Variants in PPP4R2 observed in about 807,000 individuals in gnomAD.
PPP4R2 encodes protein phosphatase 4 regulatory subunit 2.
PPP4R2 carries 13 observed loss-of-function variants against 47.2 expected under a neutral mutation model. The ratio of observed to expected loss-of-function variants is 0.28; its 90% CI spans 0.18 to 0.44. The LOEUF (loss-of-function observed/expected upper bound fraction) is 0.44. Ranked by LOEUF, PPP4R2 falls within the 20% of genes least tolerant of loss-of-function variation. The probability of loss-of-function intolerance (pLI) is 1.00; values close to 1 mark genes in which losing one functional copy is unlikely to be tolerated. For synonymous variants in PPP4R2, 151 were observed against 163.3 expected, an observed-to-expected ratio of 0.92 and a Z score of 0.57; for missense variants, 421 against 491.2, an observed-to-expected ratio of 0.86 and a Z score of 1.35.
intron 3 of PPP4R2, among the ~76,000 whole-genome samples, chr3:73,048,348 G>GT (rs1428865548): frequency 6.6e-6 from 1 of 152,170 alleles, no homozygotes; most frequent in African/African-American, 2.4e-5. Context: ...CGCCTGCCAG[G>GT]TTCAAGCAAT....
chr3:73,013,381 A>G (rs750834634), intron 2 of PPP4R2, among the ~76,000 whole-genome samples: 1 of 152,256 alleles, frequency 6.6e-6, no homozygotes, highest in Non-Finnish European at 1.5e-5. Flanking sequence ...GTAATGGATC[A>G]CACAAATTAG....
chr3:73,018,579 A>G (rs373546172), intron 2 of PPP4R2, among the ~76,000 whole-genome samples: 275 of 148,742 alleles, frequency 1.8e-3, no homozygotes, highest in Non-Finnish European at 3.5e-3. Context: ...CCAGCCTCCC[A>G]TGTAGTGTCT....
At chr3:73,059,411 T>G (rs1201415302) in intron 4 of PPP4R2, among the ~76,000 whole-genome samples, 1 of 152,248 alleles carries the variant, frequency 6.6e-6, no homozygotes, top group Non-Finnish European at 1.5e-5. Flanking sequence ...AAAGGTTCTG[T>G]GAAGTTATAA....
intron 2 of PPP4R2, among the ~76,000 whole-genome samples, chr3:73,021,347 C>T (rs543448946): frequency 6.6e-6 from 1 of 151,986 alleles, no homozygotes; most frequent in South Asian, 2.1e-4. Flanking sequence ...GATCCTCCCG[C>T]CTCAGCCTCC....
At position 73,066,773 on chromosome 3, in the gene PPP4R2, T is replaced by G. The variant is rs1703004616; in HGVS notation, c.*1051T>G. The G allele has an allele frequency of 6.6e-6, 1 of 152,118 alleles. No homozygotes were observed. Among genetic ancestry groups the G allele is most frequent in the Non-Finnish European group, 1.5e-5 (1 of 67,952 alleles). The allele number at this position is 152,118 out of a possible 1,614,324, so 9.4% of individuals were successfully genotyped here. On this transcript the variant is annotated 3_prime_UTR_variant, in exon 9 of 9. Coordinates refer to ENST00000356692, the MANE Select transcript of PPP4R2 (RefSeq NM_174907.4). ...AGAATTAATATATTACTTTAGTATG[T>G]ACCTGAGCTAAATGACTGAAGCTTT...
At chr3:73,005,781 G>A (rs541838574) in intron 2 of PPP4R2, among the ~76,000 whole-genome samples, 9 of 146,056 alleles carry the variant, frequency 6.2e-5, no homozygotes, top group African/African-American at 1.6e-4. Flanking sequence ...ACAGTGAGCC[G>A]AGCTCACGTC....
chr3:73,008,985 G>A (rs975995266), intron 2 of PPP4R2, among the ~76,000 whole-genome samples: 1 of 152,156 alleles, frequency 6.6e-6, no homozygotes, highest in Non-Finnish European at 1.5e-5. Flanking sequence ...GATGTTGTGG[G>A]GATTAAATGA....
intron 3 of PPP4R2, among the ~76,000 whole-genome samples, chr3:73,055,417 C>CGTGTGTGT (rs10663655): frequency 0.077 from 10,601 of 137,304 alleles, 619 homozygotes; most frequent in African/African-American, 0.13. Context: ...AGTGGGGTAG[C>CGTGTGTGT]GTGTGTGTGT....
At chr3:73,015,023 A>G in intron 2 of PPP4R2, 1 of 661,248 alleles carries the variant, frequency 1.5e-6, no homozygotes, top group South Asian at 1.6e-5. Flanking sequence ...TTTCCTCGAA[A>G]TATACTCCTG....
chr3:73,060,080 C>T (rs1702820513), intron 4 of PPP4R2, among the ~76,000 whole-genome samples: 1 of 152,058 alleles, frequency 6.6e-6, no homozygotes. Flanking sequence ...TTCTAATTTT[C>T]AGTTGATGGT....
intron 2 of PPP4R2, among the ~76,000 whole-genome samples, chr3:73,005,638 C>T (rs1295086538): frequency 2.0e-5 from 3 of 151,758 alleles, no homozygotes; most frequent in African/African-American, 7.3e-5. Context: ...CACCTGAGGT[C>T]GGGAGTTCAA....
Position 73,051,421 on chromosome 3 carries a change from T to A in PPP4R2, c.287+4065T>A, listed in dbSNP as rs143482397. Among the ~76,000 whole-genome samples, 308 of 152,334 alleles carry A rather than the reference T, an allele frequency of 2.0e-3. 2 individuals are homozygous for A. The highest frequency in any genetic ancestry group is 6.9e-3 in the African/African-American group (286 of 41,566). On this transcript the variant is annotated intron_variant, in intron 3 of 8. Coordinates refer to ENST00000356692, the MANE Select transcript of PPP4R2 (RefSeq NM_174907.4). ...CTTTGATTGCAAGTGAAATGGAACA[T>A]CTTTTTGTGTACTTACAGCCTTTCT...
At chr3:73,018,408 G>A (rs1701885260) in intron 2 of PPP4R2, among the ~76,000 whole-genome samples, 2 of 3,490 alleles carry the variant, frequency 5.7e-4, no homozygotes, top group Non-Finnish European at 8.8e-4. Flanking sequence ...TGTCATAGTC[G>A]TTATGTTATG....
At chr3:73,063,945 C>G in intron 6 of PPP4R2, 58 bp from the exon 7 acceptor site, 1 of 1,483,926 alleles carries the variant, frequency 6.7e-7, no homozygotes, top group Non-Finnish European at 9.2e-7. Flanking sequence ...ATCAACATAC[C>G]TTAAGAGGGA....
At position 73,067,301 on chromosome 3, in the gene PPP4R2, A is replaced by G. The variant is rs1003338152; in HGVS notation, c.*1579A>G. ...AAAACTGATGCAAACAGTTTCTGAC[A>G]CTGTATAATATGCTTTTGGGTGATT... On this transcript the variant is annotated 3_prime_UTR_variant, in exon 9 of 9. Transcript: ENST00000356692. 1 of 152,116 alleles carries G rather than the reference A, an allele frequency of 6.6e-6. No homozygotes were observed. Among genetic ancestry groups the G allele is most frequent in the Non-Finnish European group, 1.5e-5 (1 of 67,980 alleles). The allele number at this position is 152,116 out of a possible 1,614,324, so 9.4% of individuals were successfully genotyped here. A position where few individuals can be genotyped will look rare whatever the true frequency, so the allele number is the denominator to read the frequency against.
chr3:73,040,030 C>T (rs145441055), intron 2 of PPP4R2, among the ~76,000 whole-genome samples: 7 of 151,984 alleles, frequency 4.6e-5, no homozygotes, highest in African/African-American at 1.2e-4. Context: ...CCAGCCTGGG[C>T]GACAAGAGTG....
At chr3:73,062,944 T>A (rs764649154) in intron 5 of PPP4R2, 6 of 1,547,900 alleles carry the variant, frequency 3.9e-6, no homozygotes, top group Non-Finnish European at 5.3e-6. Context: ...GCTGTGAGAA[T>A]GTTTCTAGAT....
chr3:73,035,546 A>G (rs1702245782), intron 2 of PPP4R2, among the ~76,000 whole-genome samples: 1 of 152,240 alleles, frequency 6.6e-6, no homozygotes, highest in African/African-American at 2.4e-5. Context: ...TAGGTCTACC[A>G]TCTGACCTAG....
In PPP4R2 at chr3:73,003,118, A is replaced by ATT. The variant is rs11296237; in HGVS notation, c.116+4972_116+4973dup. ...CCAATATAATTACTAGGAATGTTAA[A>ATT]TTTTTTTTTTTTTACATATTCTCTA... is the stretch of plus-strand genomic sequence containing the variant. On this transcript the variant is annotated intron_variant, in intron 2 of 8. Transcript: ENST00000356692. Among the ~76,000 whole-genome samples, 38 of 148,734 alleles carry ATT rather than the reference A, an allele frequency of 2.6e-4. 1 individual carries two copies. The highest frequency in any genetic ancestry group is 9.1e-4 in the African/African-American group (37 of 40,520).
Sources: gnomAD v4.1 joint callset for allele counts (sites outside exome capture counted in the v4.1 genomes callset) on GRCh38, gnomAD v4.1.1 for gene constraint, MANE v1.5 for transcripts, NCBI Gene and HGNC (gene_info 2026-07-23, HGNC 2026-07-21) for gene names.